The following ADGRB3 variants were observed in gnomAD, a reference collection of about 807,000 sequenced individuals.
ADGRB3 encodes the protein adhesion G protein-coupled receptor B3, also known as brain-specific angiogenesis inhibitor 3.
Under a neutral mutation model 193.4 loss-of-function variants are expected in ADGRB3, and 37 were observed. The ratio of observed to expected loss-of-function variants is 0.19; its 90% confidence interval spans 0.15 to 0.25. ADGRB3 has a LOEUF of 0.25. Among genes scored for constraint, ADGRB3 ranks in the 10% least tolerant of loss-of-function variants. The probability of loss-of-function intolerance (pLI) is 1.00; values close to 1 mark genes in which losing one functional copy is unlikely to be tolerated. For synonymous variants in ADGRB3, 690 were observed against 644.2 expected (o/e 1.07, Z -1.08); for missense variants, 1,637 against 1,852.9 (o/e 0.88, Z 2.14).
At chr6:69,355,698 A>C (rs1176351152) in intron 27 of ADGRB3, 123 bp from the exon 28 acceptor site, 1 of 797,704 alleles carries the variant, frequency 1.3e-6, no homozygotes. Flanking sequence ...ATTTCCTATG[A>C]ACAAAACAAT....
At chr6:68,954,252 A>G (rs1768010346) in intron 6 of ADGRB3, among the ~76,000 whole-genome samples, 2 of 152,156 alleles carry the variant, frequency 1.3e-5, no homozygotes, top group African/African-American at 4.8e-5. Context: ...TGCATGCAGA[A>G]TGTCCTAAAT....
chr6:69,234,099 T>TCTG (rs1937351674), intron 18 of ADGRB3, among the ~76,000 whole-genome samples: 1 of 152,188 alleles, frequency 6.6e-6, no homozygotes, highest in Admixed American at 6.5e-5. Context: ...AATGTGATAT[T>TCTG]CTGCCTACAT....
At chr6:68,841,786 C>T (rs1768163760) in intron 3 of ADGRB3, among the ~76,000 whole-genome samples, 1 of 152,042 alleles carries the variant, frequency 6.6e-6, no homozygotes, top group South Asian at 2.1e-4. Flanking sequence ...CACATGTTCT[C>T]ACTTATTTGT....
At chr6:68,660,048 C>T (rs1254431880) in intron 3 of ADGRB3, among the ~76,000 whole-genome samples, 1 of 150,566 alleles carries the variant, frequency 6.6e-6, no homozygotes, top group Non-Finnish European at 1.5e-5. Flanking sequence ...CAAAGAAAGC[C>T]GGTTCTTGAA....
intron 3 of ADGRB3, among the ~76,000 whole-genome samples, chr6:68,790,041 G>C (rs1348829337): frequency 1.3e-5 from 2 of 152,080 alleles, no homozygotes; most frequent in East Asian, 3.9e-4. Flanking sequence ...GGTTATTCTA[G>C]TTATCTGGTC....
At chr6:69,347,643 G>C (rs943116834) in intron 26 of ADGRB3, among the ~76,000 whole-genome samples, 3 of 152,048 alleles carry the variant, frequency 2.0e-5, no homozygotes, top group African/African-American at 7.2e-5. Flanking sequence ...CATTTAGCCA[G>C]GTGTGGTGGT....
At chr6:68,765,073 A>C (rs1297662781) in intron 3 of ADGRB3, among the ~76,000 whole-genome samples, 1 of 152,192 alleles carries the variant, frequency 6.6e-6, no homozygotes, top group Non-Finnish European at 1.5e-5. Flanking sequence ...GTTTGTCTAT[A>C]GATTCTCAGG....
intron 3 of ADGRB3, among the ~76,000 whole-genome samples, chr6:68,746,831 C>T (rs1223788484): frequency 6.6e-6 from 1 of 152,108 alleles, no homozygotes; most frequent in Non-Finnish European, 1.5e-5. Flanking sequence ...TCTACATCCT[C>T]TAAATATTTC....
At chr6:68,653,484 A>G (rs1452040744) in intron 3 of ADGRB3, among the ~76,000 whole-genome samples, 1 of 152,074 alleles carries the variant, frequency 6.6e-6, no homozygotes, top group East Asian at 1.9e-4. Flanking sequence ...ATGTATGCAC[A>G]TATTCCACAT....
intron 17 of ADGRB3, among the ~76,000 whole-genome samples, chr6:69,166,004 C>A (rs1775123823): frequency 6.6e-6 from 1 of 152,034 alleles, no homozygotes; most frequent in African/African-American, 2.4e-5. Flanking sequence ...TGAAACAATA[C>A]TTCTGATAGA....
intron 17 of ADGRB3, among the ~76,000 whole-genome samples, chr6:69,199,963 G>A (rs548438617): frequency 1.3e-5 from 2 of 151,402 alleles, no homozygotes; most frequent in East Asian, 1.9e-4. Flanking sequence ...GCCATTCAAT[G>A]TTGATCAAAA....
intron 5 of ADGRB3, among the ~76,000 whole-genome samples, chr6:68,939,735 A>G (rs1184822386): frequency 6.6e-6 from 1 of 152,154 alleles, no homozygotes; most frequent in Non-Finnish European, 1.5e-5. Context: ...CATATCCTGA[A>G]AATAGTGACA....
At chr6:69,073,580 G>C (rs1180305092) in intron 16 of ADGRB3, among the ~76,000 whole-genome samples, 1 of 152,130 alleles carries the variant, frequency 6.6e-6, no homozygotes, top group East Asian at 1.9e-4. Context: ...CTGAATTCCA[G>C]TTTCCACCCC....
At chr6:69,255,993 G>C (rs565642960) in intron 20 of ADGRB3, among the ~76,000 whole-genome samples, 1 of 151,978 alleles carries the variant, frequency 6.6e-6, no homozygotes, top group African/African-American at 2.4e-5. Flanking sequence ...TGTCAGGTTT[G>C]TCAAAGATCA....
At chr6:69,120,425 C>A (rs1773650689) in intron 17 of ADGRB3, among the ~76,000 whole-genome samples, 1 of 152,180 alleles carries the variant, frequency 6.6e-6, no homozygotes, top group African/African-American at 2.4e-5. Flanking sequence ...TATATCATCT[C>A]CAAGGTATAA....
intron 3 of ADGRB3, among the ~76,000 whole-genome samples, chr6:68,770,685 A>G (rs559229237): frequency 6.6e-6 from 1 of 152,188 alleles, no homozygotes; most frequent in African/African-American, 2.4e-5. Context: ...ATCTTATTTT[A>G]TTCTAACTAG....
At chr6:68,854,335 A>G in intron 3 of ADGRB3, among the ~76,000 whole-genome samples, 1 of 152,202 alleles carries the variant, frequency 6.6e-6, no homozygotes, top group East Asian at 1.9e-4. Flanking sequence ...CATGGTTTCT[A>G]TAATTAATAA....
In ADGRB3 at chr6:69,244,586, C is replaced by A. The variant is rs181868280; in HGVS notation, c.2814+5360C>A. ...GCTATCCATTCAGTTCTGCCTGATA[C>A]CCTTTGAAGCAGACTGCCCCCTGCC... is the stretch of plus-strand genomic sequence containing the variant. On this transcript the variant is annotated intron_variant, in intron 20 of 31. Transcript: ENST00000370598. 2.6e-5 allele frequency among the ~76,000 whole-genome samples: 4 copies of A among 152,160 alleles called. No individual in the cohort carries two copies. In the East Asian group the frequency reaches 7.7e-4, roughly 29 times the overall value.
At chr6:69,011,507 G>A (rs1769936423) in intron 11 of ADGRB3, among the ~76,000 whole-genome samples, 1 of 151,620 alleles carries the variant, frequency 6.6e-6, no homozygotes, top group Non-Finnish European at 1.5e-5. Flanking sequence ...AGGGGAAGGA[G>A]CTACAAACCT....
Sources: gnomAD v4.1 joint callset for allele counts (sites outside exome capture counted in the v4.1 genomes callset) on GRCh38, gnomAD v4.1.1 for gene constraint, MANE v1.5 for transcripts, NCBI Gene and HGNC (gene_info 2026-07-23, HGNC 2026-07-21) for gene names.